The following OGDH variants were observed in gnomAD, a reference collection of about 807,000 sequenced individuals.
The protein encoded by OGDH is 2-oxoglutarate dehydrogenase complex component E1.
Under a neutral mutation model 116.6 loss-of-function variants are expected in OGDH, and 38 were observed. That is an observed-to-expected ratio of 0.33 (90% confidence interval 0.25 to 0.43). OGDH has a LOEUF of 0.43. Among genes scored for constraint, OGDH ranks in the 20% least tolerant of loss-of-function variants. OGDH has a pLI of 1.00. For synonymous variants in OGDH, 488 were observed against 533.3 expected, an observed-to-expected ratio of 0.92 and a Z score of 1.17; for missense variants, 825 against 1,357.2, an observed-to-expected ratio of 0.61 and a Z score of 6.16.
chr7:44,611,767 TTC>T (rs1307425756), intron 1 of OGDH, among the ~76,000 whole-genome samples: 1 of 151,966 alleles, frequency 6.6e-6, no homozygotes, highest in Non-Finnish European at 1.5e-5. Context: ...TAGACTTAAT[TTC>T]TTTTTTCTTT....
intron 10 of OGDH, among the ~76,000 whole-genome samples, chr7:44,691,003 A>G (rs1788340753): frequency 1.3e-5 from 2 of 152,142 alleles, no homozygotes; most frequent in African/African-American, 4.8e-5. Context: ...AAGGGAGATT[A>G]TGTAAAAGCC....
chr7:44,673,795 C>G lies in OGDH; in HGVS notation c.642C>G (p.Tyr214Ter), dbSNP rs1475407566. 1 of 1,614,252 alleles carries G rather than the reference C, an allele frequency of 6.2e-7. No individual in the cohort carries two copies. The highest frequency in any genetic ancestry group is 8.5e-7 in the Non-Finnish European group (1 of 1,180,032). Residue 214 changes from tyrosine to a stop codon, truncating the protein, a stop_gained, in exon 6 of 23, where the codon TAC becomes TAG. Coordinates refer to ENST00000222673, the MANE Select transcript of OGDH (RefSeq NM_002541.4). LOFTEE classifies it high-confidence loss of function. ...REIIRRLEMAYCQHIGVEFMF... is the reference protein window; with the variant it reads ...REIIRRLEMA ...GTTTCTGTATGGAATAGATGGCCTA[C>G]TGCCAGCATATTGGGGTGGAGTTCA...
intron 3 of OGDH, 25 bp from the exon 4 acceptor site, chr7:44,647,632 C>G (rs761036950): frequency 6.3e-7 from 1 of 1,595,856 alleles, no homozygotes; most frequent in Non-Finnish European, 8.6e-7. Flanking sequence ...GTGTGTCCTT[C>G]CCTCTCATCG....
At chr7:44,686,731 C>T (rs1317088308) in intron 10 of OGDH, among the ~76,000 whole-genome samples, 1 of 150,038 alleles carries the variant, frequency 6.7e-6, no homozygotes, top group East Asian at 1.9e-4. Context: ...CTCTGTCGCC[C>T]AGGCCGGAGT....
At chr7:44,700,298 C>G (rs777922236) in intron 19 of OGDH, 29 bp downstream of exon 19, 2 of 1,612,808 alleles carry the variant, frequency 1.2e-6, no homozygotes, top group Non-Finnish European at 1.7e-6. Flanking sequence ...CTTGCTCAAA[C>G]GAGGCCTGGC....
At chr7:44,695,003 C>G (rs1231439306) in intron 12 of OGDH, among the ~76,000 whole-genome samples, 1 of 152,116 alleles carries the variant, frequency 6.6e-6, no homozygotes, top group Non-Finnish European at 1.5e-5. Flanking sequence ...GGAGCTATAT[C>G]TGAGCATGGG....
intron 5 of OGDH, among the ~76,000 whole-genome samples, chr7:44,670,705 G>A (rs913223675): frequency 6.6e-6 from 1 of 152,180 alleles, no homozygotes; most frequent in Non-Finnish European, 1.5e-5. Context: ...TATCTTAGAT[G>A]TGATTAGAAA....
intron 20 of OGDH, 90 bp downstream of exon 20, chr7:44,701,705 T>G (rs1215289769): frequency 7.9e-7 from 1 of 1,267,056 alleles, no homozygotes; most frequent in Non-Finnish European, 1.1e-6. Flanking sequence ...GGGACTGACA[T>G]TTGTGATTCT....
chr7:44,647,597 C>CTT, intron 3 of OGDH, 60 bp from the exon 4 acceptor site: 1 of 1,547,282 alleles, frequency 6.5e-7, no homozygotes, highest in Non-Finnish European at 8.9e-7. Context: ...CCCCTTCCCT[C>CTT]TTTTTTTTTC....
At position 44,707,881 on chromosome 7, in the gene OGDH, A is replaced by T; in HGVS notation, c.2954A>T (p.Tyr985Phe). 6.2e-7 allele frequency: 1 copy of T among 1,612,770 alleles called. No individual in the cohort carries two copies. Among genetic ancestry groups the T allele is most frequent in the Non-Finnish European group, 8.5e-7 (1 of 1,179,496 alleles). ...TGCCCCCTCCCTCCATCTCTCAGGT[A>T]TGCCGGCCGGGACCCAGCGGCTGCT... ...TTISRAKPVW[Y>F]AGRDPAAAPA... The change falls in exon 23 of 23, where the codon TAT becomes TTT. Residue 985 changes from tyrosine (Y) to phenylalanine (F), a missense_variant and splice_region_variant. This residue lies in a region of OGDH where 212 missense variants were observed against 284.3 expected (regional missense o/e 0.75). Coordinates refer to ENST00000222673, the MANE Select transcript of OGDH (RefSeq NM_002541.4). The surrounding 1 kb of genome is among the most constrained non-coding windows in gnomAD (Gnocchi z 5.2).
rs146739727 is a variant in OGDH at position 44,697,621 on chromosome 7, G to A, written c.2197G>A (p.Ala733Thr). Residue 733 changes from alanine to threonine, a missense_variant, in exon 17 of 23, where the codon GCC (alanine) becomes ACC (threonine). This residue lies in a region of OGDH where 73 missense variants were observed against 182.3 expected (regional missense o/e 0.40). Coordinates refer to ENST00000222673, the MANE Select transcript of OGDH (RefSeq NM_002541.4). This position sits in a 1 kb window ranked among gnomAD's most constrained non-coding sequence, Gnocchi z 6.0. ...YGVLGFELGF[A>T]MASPNALVLW... Reference sequence around the variant, plus strand: ...CCTTGTAGGCTTTGAGCTGGGCTTCGCCATGGCCAGTCCTAATGCCCTGGT... The same window carrying A: ...CCTTGTAGGCTTTGAGCTGGGCTTCACCATGGCCAGTCCTAATGCCCTGGT... 3.0e-5 allele frequency: 48 copies of A among 1,614,084 alleles called. No individual in the cohort carries two copies. The highest frequency in any genetic ancestry group is 3.6e-5 in the Non-Finnish European group (42 of 1,180,044).
chr7:44,665,262 A>G (rs958527227), intron 4 of OGDH, among the ~76,000 whole-genome samples: 1 of 147,406 alleles, frequency 6.8e-6, no homozygotes, highest in African/African-American at 2.6e-5. Context: ...CTAAGCCACT[A>G]CTACCATCAC....
chr7:44,669,195 C>CAGGCTGGA (rs1199329130), intron 5 of OGDH, among the ~76,000 whole-genome samples: 6 of 141,466 alleles, frequency 4.2e-5, no homozygotes, highest in African/African-American at 1.7e-4. Context: ...CTCTGTCACC[C>CAGGCTGGA]AGGCTGGAGG....
intron 5 of OGDH, 42 bp from the exon 6 acceptor site, chr7:44,673,745 T>G: frequency 6.2e-7 from 1 of 1,607,010 alleles, no homozygotes; most frequent in Non-Finnish European, 8.5e-7. Flanking sequence ...CAGCCAGGCC[T>G]GGTTAGAAAT....
chr7:44,692,366 G>A (rs566020313), intron 10 of OGDH, among the ~76,000 whole-genome samples: 15 of 152,290 alleles, frequency 9.8e-5, no homozygotes, highest in Non-Finnish European at 2.1e-4. Flanking sequence ...TTCAACCTGG[G>A]TGTATCATAA....
chr7:44,654,298 G>A (rs10951768), intron 4 of OGDH, among the ~76,000 whole-genome samples: 4 of 152,164 alleles, frequency 2.6e-5, no homozygotes, highest in Non-Finnish European at 2.9e-5. Flanking sequence ...GGAAATGAAC[G>A]TGAGTTAAAT....
At chr7:44,680,040 G>A (rs1362103782) in intron 9 of OGDH, among the ~76,000 whole-genome samples, 3 of 152,016 alleles carry the variant, frequency 2.0e-5, no homozygotes, top group African/African-American at 4.8e-5. Flanking sequence ...GTGAAACCTC[G>A]TGTCTACAAA....
intron 5 of OGDH, among the ~76,000 whole-genome samples, chr7:44,672,283 T>A (rs1240994104): frequency 6.6e-6 from 1 of 152,142 alleles, no homozygotes; most frequent in Non-Finnish European, 1.5e-5. Flanking sequence ...CCCACCCTCC[T>A]CTGCAAAGAA....
In OGDH at chr7:44,707,143, T is replaced by C. The variant is rs1585411062; in HGVS notation, c.2633-82T>C. 6 of 1,456,532 alleles carry C rather than the reference T, an allele frequency of 4.1e-6. No individual in the cohort carries two copies. The highest frequency in any genetic ancestry group is 3.6e-4 in the Middle Eastern group (2 of 5,540). 90.2% of individuals were successfully genotyped at this position (1,456,532 alleles called of 1,614,324 possible). ...TGAAAGCTGCGTCTCCTGGCAGCAG[T>C]CCCTGGCACAGCCCTGGGCCCAGGA... On this transcript the variant is annotated intron_variant, in intron 20 of 22. Coordinates refer to ENST00000222673, the MANE Select transcript of OGDH (RefSeq NM_002541.4). The surrounding 1 kb of genome is among the most constrained non-coding windows in gnomAD (Gnocchi z 5.2).
Sources: allele counts gnomAD v4.1 joint callset (sites outside exome capture counted in the v4.1 genomes callset), GRCh38; gene constraint gnomAD v4.1.1; regional missense constraint gnomAD v4.1.1; non-coding constraint Gnocchi (gnomAD v3.1); transcripts MANE v1.5; gene names NCBI Gene and HGNC (gene_info 2026-07-23, HGNC 2026-07-21).